Variants in MED23 observed in about 807,000 individuals in gnomAD.
The protein encoded by MED23 is mediator complex subunit 23, also known as mediator of RNA polymerase II transcription subunit 23.
MED23 carries 105 observed loss-of-function variants against 163.9 expected under a neutral mutation model. That is an observed-to-expected ratio of 0.64 (90% CI 0.55 to 0.75). The LOEUF (loss-of-function observed/expected upper bound fraction) is 0.75. Among genes scored for constraint, MED23 ranks in the 30% least tolerant of loss-of-function variants. The pLI, the probability that MED23 is intolerant of heterozygous loss-of-function variation, is 0.00. For missense variants in MED23, 1,054 were observed against 1,649.0 expected (o/e 0.64, Z 6.25); for synonymous variants, 561 against 565.6 (o/e 0.99, Z 0.12).
At chr6:131,596,209 A>C in intron 21 of MED23, 46 bp from the exon 22 acceptor site, 2 of 1,542,686 alleles carry the variant, frequency 1.3e-6, no homozygotes, top group Non-Finnish European at 1.8e-6. Flanking sequence ...TTTTTTAAAA[A>C]ATTCTCTTAA....
Position 131,618,641 on chromosome 6 carries a change from T to C in MED23, c.668-122A>G, listed in dbSNP as rs75828209. Reference sequence around the variant, plus strand: ...ATTGGTTTGGTTTAAAAATGGCTTATAAAAATGTTTCAATGAGACTGAAGG... The same window carrying C: ...ATTGGTTTGGTTTAAAAATGGCTTACAAAAATGTTTCAATGAGACTGAAGG... On this transcript the variant is annotated intron_variant, in intron 8 of 28. Transcript: ENST00000368068. The C allele has an allele frequency of 2.5e-3, 1,752 of 699,456 alleles. 24 individuals carry two copies. The highest frequency in any genetic ancestry group is 0.024 in the African/African-American group (1,342 of 55,924). 43.3% of individuals were successfully genotyped at this position (699,456 alleles called of 1,614,324 possible). A position where few individuals can be genotyped will look rare whatever the true frequency, so the allele number is the denominator to read the frequency against.
chr6:131,599,908 C>T (rs147348969), intron 18 of MED23, 130 bp downstream of exon 18: 13,328 of 1,130,258 alleles, frequency 0.012, 298 homozygotes, highest in Middle Eastern at 0.094. Flanking sequence ...CATGCCCAGC[C>T]CCTAAATATT....
intron 11 of MED23, 23 bp downstream of exon 11, chr6:131,610,023 C>T (rs761119533): frequency 1.1e-5 from 18 of 1,605,612 alleles, no homozygotes; most frequent in South Asian, 2.2e-5. Context: ...GAAGTCACTC[C>T]GACCATAAGA....
At chr6:131,603,502 T>C (rs1009193603) in intron 15 of MED23, among the ~76,000 whole-genome samples, 8 of 152,278 alleles carry the variant, frequency 5.3e-5, no homozygotes, top group African/African-American at 1.9e-4. Context: ...AATTCTGATA[T>C]CTTTTATTTT....
At chr6:131,586,172 A>T (rs1490908846), downstream of MED23, among the ~76,000 whole-genome samples, 1 of 152,066 alleles carries the variant, frequency 6.6e-6, no homozygotes, top group Non-Finnish European at 1.5e-5. Flanking sequence ...GAGGCGGGGG[A>T]TCACGAGGTC....
chr6:131,576,992 A>G (rs529216059), intron 30 of MED23, among the ~76,000 whole-genome samples: 1 of 152,110 alleles, frequency 6.6e-6, no homozygotes, highest in East Asian at 1.9e-4. Context: ...GTGTGCAAGA[A>G]CGGGGGTTGG....
rs1203167320 is a variant in MED23 at position 131,605,490 on chromosome 6, A to G, written c.1368-5T>C. On this transcript the variant is annotated splice_region_variant and splice_polypyrimidine_tract_variant and intron_variant, in intron 13 of 28. Transcript: ENST00000368068. ...CTTAGACTCTGCTGCAGGAACCTAA[A>G]TATTCACGTTCCATTAAAAAGAAAA... 6.4e-7 allele frequency: 1 copy of G among 1,571,014 alleles called. No homozygotes were observed. Among genetic ancestry groups the G allele is most frequent in the Admixed American group, 1.9e-5 (1 of 51,926 alleles).
At chr6:131,622,441 C>T (rs1421287611) in intron 5 of MED23, among the ~76,000 whole-genome samples, 1 of 152,156 alleles carries the variant, frequency 6.6e-6, no homozygotes, top group Non-Finnish European at 1.5e-5. Context: ...TCTCATCCAT[C>T]ACATACCTTA....
rs761790633 is a variant in MED23, at chr6:131,586,900, T to C, written c.*779A>G. The C allele has an allele frequency of 6.9e-7, 1 of 1,452,598 alleles. No homozygotes were observed. The highest frequency in any genetic ancestry group is 1.4e-5 in the South Asian group (1 of 73,714). The allele number at this position is 1,452,598 out of a possible 1,614,324, so 90.0% of individuals were successfully genotyped here. ...TTTAAAAATTTTAAGATTATAAAAA[T>C]TGAAGAATTACATCATCTGTCAGGT... On this transcript the variant is annotated 3_prime_UTR_variant, in exon 29 of 29. Transcript: ENST00000368068.
At chr6:131,580,993 T>A (rs1290789015) in intron 30 of MED23, among the ~76,000 whole-genome samples, 1 of 152,146 alleles carries the variant, frequency 6.6e-6, no homozygotes, top group Admixed American at 6.5e-5. Context: ...AAAATCACAG[T>A]TTTTTTAGTA....
In MED23 at chr6:131,596,123, T is replaced by C; in HGVS notation, c.2819A>G (p.Gln940Arg). 1 of 1,614,176 alleles carries C rather than the reference T, an allele frequency of 6.2e-7. No individual in the cohort carries two copies. The highest frequency in any genetic ancestry group is 8.5e-7 in the Non-Finnish European group (1 of 1,180,026). Reference protein sequence around the residue: ...EKLYFEGLAEQVDPPVQIQSP... With the variant: ...EKLYFEGLAERVDPPVQIQSP... ...CTGGATCTGTACAGGAGGATCCACC[T>C]GTTCCGCGAGGCCCTCAAAATACAA... The change falls in exon 22 of 29, where the codon CAG (glutamine) becomes CGG (arginine). Residue 940 changes from glutamine to arginine, a missense_variant. Physicochemically the swap from Gln to Arg is conservative, Grantham distance 43 (BLOSUM62 1). This residue lies in a region of MED23 where 228 missense variants were observed against 461.3 expected (regional missense o/e 0.49). Coordinates refer to ENST00000368068, the MANE Select transcript of MED23 (RefSeq NM_004830.4).
intron 30 of MED23, chr6:131,579,327 G>C (rs1375986890): frequency 6.2e-7 from 1 of 1,605,424 alleles, no homozygotes; most frequent in Non-Finnish European, 8.5e-7. Flanking sequence ...TGGCACAAAG[G>C]AAGTAACCAA....
chr6:131,582,713 A>G (rs773465984), downstream of MED23: 80 of 1,613,284 alleles, frequency 5.0e-5, no homozygotes, highest in Non-Finnish European at 6.6e-5. Context: ...ACCCTGGGGA[A>G]CAGTAAGCTT....
intron 11 of MED23, among the ~76,000 whole-genome samples, chr6:131,609,359 A>C (rs1396566729): frequency 6.6e-6 from 1 of 151,870 alleles, no homozygotes; most frequent in Non-Finnish European, 1.5e-5. Flanking sequence ...TCCAGTTCTC[A>C]CACATCTCTA....
chr6:131,615,066 C>CAAAAAA (rs5880072), intron 10 of MED23, among the ~76,000 whole-genome samples: 9 of 68,236 alleles, frequency 1.3e-4, no homozygotes, highest in East Asian at 4.3e-4. Flanking sequence ...TCTTTGTTAC[C>CAAAAAA]AAAAAAAAAA....
intron 3 of MED23, chr6:131,626,976 T>A (rs1777546439): frequency 6.3e-6 from 1 of 157,932 alleles, no homozygotes; most frequent in East Asian, 1.9e-4. Context: ...CCTATCCTTA[T>A]TATAGAATCT....
At chr6:131,582,654 C>T, downstream of MED23, 1 of 1,613,840 alleles carries the variant, frequency 6.2e-7, no homozygotes, top group Non-Finnish European at 8.5e-7. Context: ...CTGGGTGACT[C>T]CCTGTATATC....
chr6:131,579,041 G>T lies in MED23; in HGVS notation c.4096-4746C>A, dbSNP rs1429194256. ...GAATATATGCCTATTTTATACAATT[G>T]AGATCATCCTACACAGACTGATTTA... On this transcript the variant is annotated intron_variant, in intron 30 of 30. Transcript: ENST00000354577. The T allele has an allele frequency of 1.9e-6, 3 of 1,539,500 alleles. No individual in the cohort carries two copies. The East Asian group carries it at 6.9e-5, about 35-fold the overall frequency.
At chr6:131,597,884 G>C (rs771272975) in intron 20 of MED23, among the ~76,000 whole-genome samples, 2 of 151,814 alleles carry the variant, frequency 1.3e-5, no homozygotes, top group African/African-American at 2.4e-5. Context: ...CCAGGAGTTC[G>C]AGACCAGCCT....
Sources: gnomAD v4.1 joint callset for allele counts (sites outside exome capture counted in the v4.1 genomes callset) on GRCh38, gnomAD v4.1.1 for gene constraint, gnomAD v4.1.1 regional missense constraint, MANE v1.5 for transcripts, NCBI Gene and HGNC (gene_info 2026-07-23, HGNC 2026-07-21) for gene names.